PTPRZ1: variants seen among roughly 807,000 people sequenced by gnomAD.
PTPRZ1 encodes the protein protein tyrosine phosphatase receptor type Z1.
Under a neutral mutation model 214.1 loss-of-function variants are expected in PTPRZ1, and 82 were observed. That is an observed-to-expected ratio of 0.38 (90% CI 0.32 to 0.46). The LOEUF is 0.46. PTPRZ1 is among the 20% of genes least tolerant of loss of function. The pLI, the probability that PTPRZ1 is intolerant of heterozygous loss-of-function variation, is 1.00. For synonymous variants in PTPRZ1, 945 were observed against 987.9 expected (o/e 0.96, Z 0.81); for missense variants, 2,603 against 2,748.7 (o/e 0.95, Z 1.19).
chr7:121,937,523 A>T (rs1002145837), intron 2 of PTPRZ1, among the ~76,000 whole-genome samples: 1 of 94,862 alleles, frequency 1.1e-5, no homozygotes, highest in African/African-American at 5.1e-5. Context: ...CAGCAACTCC[A>T]TAGTGGGGCT....
intron 11 of PTPRZ1, among the ~76,000 whole-genome samples, chr7:122,009,249 C>T (rs1171688315): frequency 1.3e-5 from 2 of 151,932 alleles, no homozygotes; most frequent in South Asian, 2.1e-4. Context: ...TGCAGATTTC[C>T]GTGTGTATGA....
At chr7:121,895,668 A>G (rs1334628704) in intron 1 of PTPRZ1, among the ~76,000 whole-genome samples, 1 of 152,216 alleles carries the variant, frequency 6.6e-6, no homozygotes, top group African/African-American at 2.4e-5. Flanking sequence ...AAAGGATCAT[A>G]TGAGAGTCTT....
intron 23 of PTPRZ1, among the ~76,000 whole-genome samples, chr7:122,050,548 G>A (rs924195047): frequency 3.4e-4 from 52 of 151,386 alleles, no homozygotes; most frequent in Middle Eastern, 6.8e-3. Context: ...GACTTCTTAC[G>A]TAAAATGATA....
chr7:121,967,732 T>C (rs1394870880), intron 2 of PTPRZ1, among the ~76,000 whole-genome samples: 1 of 152,210 alleles, frequency 6.6e-6, no homozygotes, highest in African/African-American at 2.4e-5. Context: ...AGACTTGTTT[T>C]TTTATAGTGG....
intron 23 of PTPRZ1, among the ~76,000 whole-genome samples, chr7:122,045,360 G>A (rs754834861): frequency 6.6e-6 from 1 of 152,146 alleles, no homozygotes; most frequent in Non-Finnish European, 1.5e-5. Context: ...ACCCAGGAGA[G>A]TTAACAAATG....
chr7:121,886,463 AACAC>A (rs148244179), intron 1 of PTPRZ1, among the ~76,000 whole-genome samples: 2,042 of 148,004 alleles, frequency 0.014, 15 homozygotes, highest in South Asian at 0.025. Context: ...TATTAAATGT[AACAC>A]ACACACACAC....
At chr7:121,973,337 G>A (rs2116531852) in intron 4 of PTPRZ1, among the ~76,000 whole-genome samples, 1 of 151,960 alleles carries the variant, frequency 6.6e-6, no homozygotes, top group Admixed American at 6.6e-5. Context: ...CATATAAAAG[G>A]CTCATGATAA....
At chr7:121,905,805 AT>A (rs1215889351) in intron 1 of PTPRZ1, among the ~76,000 whole-genome samples, 15 of 152,088 alleles carry the variant, frequency 9.9e-5, no homozygotes, top group Non-Finnish European at 1.8e-4. Context: ...ATCTGGAAGC[AT>A]TTTTTTGATA....
intron 1 of PTPRZ1, among the ~76,000 whole-genome samples, chr7:121,884,569 T>C (rs1794342363): frequency 6.6e-6 from 1 of 152,248 alleles, no homozygotes; most frequent in South Asian, 2.1e-4. Context: ...CGCTTCTTCC[T>C]GTGACCTGAA....
intron 2 of PTPRZ1, among the ~76,000 whole-genome samples, chr7:121,930,585 C>T (rs1795890970): frequency 6.6e-6 from 1 of 152,036 alleles, no homozygotes; most frequent in African/African-American, 2.4e-5. Context: ...TTTTCACTAA[C>T]ACTGACTCTA....
At position 121,873,421 on chromosome 7, in the gene PTPRZ1, A is replaced by G; in HGVS notation, c.-79A>G. On this transcript the variant is annotated 5_prime_UTR_variant, in exon 1 of 30. Transcript: ENST00000393386. ...GGATTAAAACAAACAAACAAAAAAA[A>G]CATTTCCTTCGCTCCCCCTCCCTCT... The G allele has an allele frequency of 6.9e-7, 1 of 1,452,436 alleles. No homozygotes were observed. Among genetic ancestry groups the G allele is most frequent in the Non-Finnish European group, 9.5e-7 (1 of 1,054,172 alleles). 90.0% of individuals were successfully genotyped at this position (1,452,436 alleles called of 1,614,324 possible). A position where few individuals can be genotyped will look rare whatever the true frequency, so the allele number is the denominator to read the frequency against.
chr7:122,053,335 G>A (rs1232418782), intron 25 of PTPRZ1, among the ~76,000 whole-genome samples: 1 of 152,128 alleles, frequency 6.6e-6, no homozygotes, highest in Admixed American at 6.6e-5. Flanking sequence ...AGGTGTGAGG[G>A]TCAGCGAGGC....
chr7:121,903,969 C>CACAG (rs1554427294), intron 1 of PTPRZ1, among the ~76,000 whole-genome samples: 1 of 142,196 alleles, frequency 7.0e-6, no homozygotes, highest in Non-Finnish European at 1.5e-5. Flanking sequence ...TTAAATCTCA[C>CACAG]ACACACACAC....
chr7:121,893,377 G>A (rs561607076), intron 1 of PTPRZ1, among the ~76,000 whole-genome samples: 2 of 152,318 alleles, frequency 1.3e-5, no homozygotes, highest in Admixed American at 6.5e-5. Flanking sequence ...CCGTGGTGTC[G>A]ACATCCAATG....
intron 8 of PTPRZ1, among the ~76,000 whole-genome samples, chr7:121,991,267 T>C (rs539716289): frequency 6.6e-5 from 10 of 152,222 alleles, no homozygotes; most frequent in Non-Finnish European, 1.3e-4. Context: ...GTCATGTGTA[T>C]ATATGGACAG....
chr7:121,875,646 T>C (rs1794034152), intron 1 of PTPRZ1, among the ~76,000 whole-genome samples: 1 of 152,264 alleles, frequency 6.6e-6, no homozygotes, highest in African/African-American at 2.4e-5. Flanking sequence ...TTGTTGAGAC[T>C]GGAAGGTGAC....
intron 2 of PTPRZ1, among the ~76,000 whole-genome samples, 170 bp from the exon 3 acceptor site, chr7:121,967,781 G>A (rs998193447): frequency 6.6e-6 from 1 of 151,998 alleles, no homozygotes; most frequent in Non-Finnish European, 1.5e-5. Context: ...GTTTCGTATT[G>A]AAATCCAGAA....
At chr7:121,948,999 C>G (rs1329713235) in intron 2 of PTPRZ1, among the ~76,000 whole-genome samples, 1 of 152,042 alleles carries the variant, frequency 6.6e-6, no homozygotes, top group Non-Finnish European at 1.5e-5. Flanking sequence ...ATAACACAGC[C>G]TCAGGAGGTC....
At position 122,013,333 on chromosome 7, in the gene PTPRZ1, T is replaced by C; in HGVS notation, c.4287T>C (p.Asp1429=). The C allele has an allele frequency of 1.9e-6, 3 of 1,614,128 alleles. No homozygotes were observed. The highest frequency in any genetic ancestry group is 2.2e-5 in the South Asian group (2 of 91,076). ...GDTDDDGDDD[D]DDRGSDGLSI... ...CTGATGATGATGGTGATGATGATGATGATGACAGAGGTAGTGATGGCTTAT... is the reference window on the plus strand; with the variant it reads ...CTGATGATGATGGTGATGATGATGACGATGACAGAGGTAGTGATGGCTTAT... Residue 1429 remains aspartate (D), a synonymous_variant, in exon 12 of 30, where the codon GAT becomes GAC. Coordinates refer to ENST00000393386, the MANE Select transcript of PTPRZ1 (RefSeq NM_002851.3).
Sources: gnomAD v4.1 joint callset for allele counts (sites outside exome capture counted in the v4.1 genomes callset) on GRCh38, gnomAD v4.1.1 for gene constraint, MANE v1.5 for transcripts, NCBI Gene and HGNC (gene_info 2026-07-23, HGNC 2026-07-21) for gene names.